The following AHCYL2 variants were observed in gnomAD, a reference collection of about 807,000 sequenced individuals.
AHCYL2 encodes the protein S-adenosylhomocysteine hydrolase-like protein 2.
Under a neutral mutation model 81.4 loss-of-function variants are expected in AHCYL2, and 28 were observed. The ratio of observed to expected loss-of-function variants is 0.34; its 90% CI spans 0.25 to 0.47. The LOEUF (loss-of-function observed/expected upper bound fraction) is 0.47, where lower values mean the gene tolerates loss of function less well. Ranked by LOEUF, AHCYL2 falls within the 20% of genes least tolerant of loss-of-function variation. The pLI is 1.00. For synonymous variants in AHCYL2, 272 were observed against 290.2 expected, an observed-to-expected ratio of 0.94 and a Z score of 0.64; for missense variants, 551 against 785.1, an observed-to-expected ratio of 0.70 and a Z score of 3.56.
At chr7:129,245,725 C>T (rs768559901) in intron 1 of AHCYL2, among the ~76,000 whole-genome samples, 2 of 152,162 alleles carry the variant, frequency 1.3e-5, no homozygotes, top group Non-Finnish European at 2.9e-5. Context: ...TTTACATATA[C>T]GTACCACATT....
intron 1 of AHCYL2, among the ~76,000 whole-genome samples, chr7:129,332,582 A>T (rs764086884): frequency 6.6e-6 from 1 of 152,230 alleles, no homozygotes; most frequent in Admixed American, 6.5e-5. Context: ...CCACACAGTG[A>T]GCAATTCCCC....
chr7:129,292,349 G>T (rs751574630), intron 1 of AHCYL2, among the ~76,000 whole-genome samples: 5 of 152,170 alleles, frequency 3.3e-5, no homozygotes, highest in African/African-American at 4.8e-5. Flanking sequence ...ATCAGCAGTT[G>T]TCACAGCTGT....
intron 1 of AHCYL2, among the ~76,000 whole-genome samples, chr7:129,317,550 A>G (rs755111174): frequency 4.6e-5 from 7 of 152,206 alleles, no homozygotes; most frequent in Non-Finnish European, 1.0e-4. Flanking sequence ...ATGCAGATGT[A>G]GAGTCCCCAG....
At chr7:129,355,409 TTAAA>T (rs1234773469) in intron 1 of AHCYL2, among the ~76,000 whole-genome samples, 1 of 152,136 alleles carries the variant, frequency 6.6e-6, no homozygotes, top group Non-Finnish European at 1.5e-5. Flanking sequence ...CCAAAATACA[TTAAA>T]TAAGATGTCT....
intron 12 of AHCYL2, among the ~76,000 whole-genome samples, chr7:129,421,569 G>A (rs1306223638): frequency 6.6e-6 from 1 of 152,158 alleles, no homozygotes; most frequent in Non-Finnish European, 1.5e-5. Flanking sequence ...CTGCCAAATT[G>A]TCCTCCAGAA....
intron 1 of AHCYL2, among the ~76,000 whole-genome samples, chr7:129,299,841 A>G (rs1037346134): frequency 7.2e-5 from 11 of 152,214 alleles, no homozygotes; most frequent in Non-Finnish European, 1.0e-4. Flanking sequence ...ATGTAGGATC[A>G]TGACCTGTTG....
intron 1 of AHCYL2, among the ~76,000 whole-genome samples, chr7:129,282,342 A>G (rs954258319): frequency 6.6e-6 from 1 of 152,050 alleles, no homozygotes; most frequent in Admixed American, 6.6e-5. Flanking sequence ...TACTTCTGGG[A>G]ACTCTAGTTA....
chr7:129,391,592 A>T (rs1224115051), intron 4 of AHCYL2, among the ~76,000 whole-genome samples: 1 of 152,214 alleles, frequency 6.6e-6, no homozygotes, highest in African/African-American at 2.4e-5. Context: ...GATGCAATAT[A>T]TATGGAGTTG....
At chr7:129,287,179 C>A (rs2718088) in intron 1 of AHCYL2, among the ~76,000 whole-genome samples, 98,125 of 151,550 alleles carry the variant, frequency 0.65, 32,375 homozygotes, top group Middle Eastern at 0.72. Context: ...GAAAACTCCA[C>A]TGTACACTTA....
chr7:129,328,003 G>A (rs921724638), intron 1 of AHCYL2, among the ~76,000 whole-genome samples: 1 of 152,080 alleles, frequency 6.6e-6, no homozygotes, highest in Non-Finnish European at 1.5e-5. Flanking sequence ...TCACTGTGTG[G>A]ATTAGCCTGA....
At chr7:129,340,066 A>C (rs1400470293) in intron 1 of AHCYL2, among the ~76,000 whole-genome samples, 20 of 146,550 alleles carry the variant, frequency 1.4e-4, no homozygotes, top group Middle Eastern at 3.3e-3. Flanking sequence ...CTACAGGCGC[A>C]CTCCGCCACG....
intron 1 of AHCYL2, chr7:129,283,356 T>A (rs771896957): frequency 2.4e-5 from 11 of 455,926 alleles, no homozygotes; most frequent in Non-Finnish European, 4.4e-5. Context: ...CATTGCCTAA[T>A]GTGCAGTGTC....
chr7:129,336,783 G>A (rs1462875771), intron 1 of AHCYL2, among the ~76,000 whole-genome samples: 2 of 152,018 alleles, frequency 1.3e-5, no homozygotes, highest in Non-Finnish European at 2.9e-5. Context: ...GGGTCTCACT[G>A]TCACCCAGGC....
chr7:129,228,149 G>A (rs1794294041), intron 1 of AHCYL2, among the ~76,000 whole-genome samples: 1 of 152,208 alleles, frequency 6.6e-6, no homozygotes, highest in African/African-American at 2.4e-5. Context: ...GAGAATACTA[G>A]TATTGAAATA....
chr7:129,363,065 A>G (rs1307296458), intron 1 of AHCYL2, among the ~76,000 whole-genome samples: 1 of 152,158 alleles, frequency 6.6e-6, no homozygotes, highest in Non-Finnish European at 1.5e-5. Context: ...CAACTGGCAC[A>G]GAGGATTTTG....
chr7:129,229,078 T>C (rs1469552397), intron 1 of AHCYL2, among the ~76,000 whole-genome samples: 2 of 58,450 alleles, frequency 3.4e-5, no homozygotes, highest in African/African-American at 9.7e-5. Flanking sequence ...TTTTTTTTTT[T>C]TTTTTTGAGA....
chr7:129,287,027 A>G (rs900640457), intron 1 of AHCYL2, among the ~76,000 whole-genome samples: 6 of 151,616 alleles, frequency 4.0e-5, no homozygotes, highest in South Asian at 2.1e-4. Context: ...TACATTTTCT[A>G]AAACAAAGAC....
intron 1 of AHCYL2, among the ~76,000 whole-genome samples, chr7:129,324,180 G>C (rs1168254091): frequency 6.6e-6 from 1 of 152,066 alleles, no homozygotes; most frequent in Non-Finnish European, 1.5e-5. Flanking sequence ...ACCGTGCCCT[G>C]CCCAGCTTTC....
At chr7:129,425,618 G>A (rs896704338) in intron 15 of AHCYL2, among the ~76,000 whole-genome samples, 4 of 152,172 alleles carry the variant, frequency 2.6e-5, no homozygotes, top group Non-Finnish European at 5.9e-5. Flanking sequence ...GAGCTATTTA[G>A]TTATGTGGGT....
Sources: allele counts gnomAD v4.1 joint callset (sites outside exome capture counted in the v4.1 genomes callset), GRCh38; gene constraint gnomAD v4.1.1; transcripts MANE v1.5; gene names NCBI Gene and HGNC (gene_info 2026-07-23, HGNC 2026-07-21).